SNF8: variants seen among roughly 807,000 people sequenced by gnomAD.
SNF8 encodes SNF8 subunit of ESCRT-II.
In SNF8, 19 loss-of-function variants were observed where a neutral mutation model predicts 36.8. That is an observed-to-expected ratio of 0.52 (90% CI 0.36 to 0.76). SNF8 has a LOEUF of 0.76. Among genes scored for constraint, SNF8 ranks in the 30% least tolerant of loss-of-function variants. SNF8 has a pLI of 0.00. For missense variants in SNF8, 268 were observed against 322.9 expected (o/e 0.83, Z 1.30); for synonymous variants, 127 against 127.4 (o/e 1.00, Z 0.02).
At position 48,936,198 on chromosome 17, in the gene SNF8, T is replaced by G. The variant is rs2040931908; in HGVS notation, c.394A>C (p.Arg132=). 1 of 1,613,894 alleles carries G rather than the reference T, an allele frequency of 6.2e-7. No individual in the cohort carries two copies. The highest frequency in any genetic ancestry group is 8.5e-7 in the Non-Finnish European group (1 of 1,179,888). The change falls in exon 5 of 8, where the codon AGG becomes CGG. Residue 132 remains arginine, a synonymous_variant. Coordinates refer to ENST00000502492, the MANE Select transcript of SNF8 (RefSeq NM_007241.4). ...EELHQQVLKG[R]GKFAQDVSQD... ...CTGACATCCTGGGCGAACTTGCCCCTTCCCTTCAACACCTGTTGATGTAGT... is the reference window on the plus strand; with the variant it reads ...CTGACATCCTGGGCGAACTTGCCCCGTCCCTTCAACACCTGTTGATGTAGT...
At position 48,931,648 on chromosome 17, in the gene SNF8, C is replaced by T; in HGVS notation, c.634G>A (p.Val212Met). The change falls in exon 7 of 8, where the codon GTG becomes ATG. Residue 212 changes from valine to methionine, a missense_variant. Coordinates refer to ENST00000502492, the MANE Select transcript of SNF8 (RefSeq NM_007241.4). ...LKWETERARQVLEHLLKEGLA... is the reference protein window; with the variant it reads ...LKWETERARQMLEHLLKEGLA... ...ACTGTTCCAAAGTTGCATACCAGCA[C>T]TTGCCGCGCTCGCTCGGTCTCCCAT... 3 of 1,613,296 alleles carry T rather than the reference C, an allele frequency of 1.9e-6. No homozygotes were observed. Among genetic ancestry groups the T allele is most frequent in the Non-Finnish European group, 2.5e-6 (3 of 1,179,580 alleles).
chr17:48,944,574 G>T, intron 1 of SNF8, 107 bp downstream of exon 1: 4 of 1,263,950 alleles, frequency 3.2e-6, no homozygotes, highest in Non-Finnish European at 4.6e-6. Context: ...CGAGAAGCCA[G>T]TCTCAGATTC....
At chr17:48,943,312 A>C (rs987470301) in intron 2 of SNF8, among the ~76,000 whole-genome samples, 14 of 152,268 alleles carry the variant, frequency 9.2e-5, no homozygotes, top group Admixed American at 1.3e-4. Context: ...TCTACAAAAA[A>C]AAATAACAAA....
chr17:48,937,666 G>A (rs1291905470), intron 3 of SNF8, among the ~76,000 whole-genome samples: 3 of 151,030 alleles, frequency 2.0e-5, no homozygotes, highest in Non-Finnish European at 2.9e-5. Context: ...AGTGGGTCAC[G>A]CCTGTAATTC....
chr17:48,943,734 T>G (rs1271833656), intron 2 of SNF8, among the ~76,000 whole-genome samples, 191 bp downstream of exon 2: 1 of 152,202 alleles, frequency 6.6e-6, no homozygotes, highest in Non-Finnish European at 1.5e-5. Context: ...GTTACAAGCA[T>G]GTAATCACTC....
chr17:48,935,428 G>A (rs1256737781), intron 5 of SNF8, among the ~76,000 whole-genome samples: 1 of 151,700 alleles, frequency 6.6e-6, no homozygotes, highest in African/African-American at 2.4e-5. Flanking sequence ...CAGGAGAATG[G>A]CGTGAACCCA....
chr17:48,938,293 T>TC (rs1483557849), intron 3 of SNF8, among the ~76,000 whole-genome samples: 5 of 148,188 alleles, frequency 3.4e-5, no homozygotes, highest in Non-Finnish European at 7.5e-5. Flanking sequence ...GGTCAGGAGT[T>TC]CGAGAACAGC....
chr17:48,938,694 CCT>C (rs1468817330), intron 3 of SNF8, among the ~76,000 whole-genome samples: 1 of 150,034 alleles, frequency 6.7e-6, no homozygotes, highest in Non-Finnish European at 1.5e-5. Flanking sequence ...ATGCTGAAAC[CCT>C]GTCTCTACTA....
At chr17:48,938,496 C>A (rs1390878960) in intron 3 of SNF8, among the ~76,000 whole-genome samples, 271 of 113,812 alleles carry the variant, frequency 2.4e-3, no homozygotes, top group African/African-American at 6.4e-3. Context: ...AACTCCATCT[C>A]AAAAAAAAAA....
In SNF8 at chr17:48,931,908, G is replaced by A. The variant is rs186797425; in HGVS notation, c.565-191C>T. On this transcript the variant is annotated intron_variant, in intron 6 of 7. Transcript: ENST00000502492. ...CTTTCAGCATGACAGAGGTAGGTTG[G>A]TGGGTTCAATCCTAAAACTGGGGTA... 1.8e-4 allele frequency: 88 copies of A among 499,988 alleles called. No individual in the cohort carries two copies. In the Admixed American group the frequency reaches 2.9e-3, roughly 16 times the overall value. The allele number at this position is 499,988 out of a possible 1,614,324, so 31.0% of individuals were successfully genotyped here.
At chr17:48,940,093 A>T (rs1195316499) in intron 3 of SNF8, among the ~76,000 whole-genome samples, 2 of 143,510 alleles carry the variant, frequency 1.4e-5, no homozygotes, top group African/African-American at 5.4e-5. Context: ...AAAAAAAAAA[A>T]TTTTTTTTTT....
chr17:48,936,855 C>T (rs1328352531), intron 4 of SNF8, 165 bp downstream of exon 4: 1 of 664,714 alleles, frequency 1.5e-6, no homozygotes. Flanking sequence ...TTCTATTTAC[C>T]CTTGGCCATG....
intron 4 of SNF8, 97 bp from the exon 5 acceptor site, chr17:48,936,339 AACATTC>A: frequency 1.1e-6 from 1 of 878,378 alleles, no homozygotes; most frequent in Non-Finnish European, 1.8e-6. Context: ...AGTAGCAAAT[AACATTC>A]TAGTTCCTAA....
chr17:48,938,183 TGAC>T (rs1479488088), intron 3 of SNF8, among the ~76,000 whole-genome samples: 1 of 152,226 alleles, frequency 6.6e-6, no homozygotes, highest in East Asian at 1.9e-4. Context: ...AACAATCCAC[TGAC>T]GACAATATTC....
rs58571460 is a variant in SNF8, at chr17:48,937,498, C to T, written c.245-374G>A. Among the ~76,000 whole-genome samples, 654 of 152,162 alleles carry T rather than the reference C, an allele frequency of 4.3e-3. 2 individuals are homozygous for T. The highest frequency in any genetic ancestry group is 0.014 in the African/African-American group (579 of 41,518). On this transcript the variant is annotated intron_variant, in intron 3 of 7. Coordinates refer to ENST00000502492, the MANE Select transcript of SNF8 (RefSeq NM_007241.4). ...ATAATAAATTAGCCAGGAGTGGTGG[C>T]GTGCGCCTGTAATCCCAGCTACTTG...
chr17:48,944,805 G>C lies in SNF8; in HGVS notation c.-71C>G. The C allele has an allele frequency of 6.9e-7, 1 of 1,455,182 alleles. No homozygotes were observed. Among genetic ancestry groups the C allele is most frequent in the Non-Finnish European group, 9.0e-7 (1 of 1,115,668 alleles). 90.1% of individuals were successfully genotyped at this position (1,455,182 alleles called of 1,614,324 possible). On this transcript the variant is annotated 5_prime_UTR_variant, in exon 1 of 8. Transcript: ENST00000502492. ...CTCCACGTCCCGGACTCCGCCGCCGGCTCCCCAAGGCGGAAGCCCGAGCCG... is the reference window on the plus strand; with the variant it reads ...CTCCACGTCCCGGACTCCGCCGCCGCCTCCCCAAGGCGGAAGCCCGAGCCG...
intron 4 of SNF8, 46 bp downstream of exon 4, chr17:48,936,974 C>CTCAGAGAAGTCCAGAGTT: frequency 7.3e-7 from 1 of 1,363,940 alleles, no homozygotes; most frequent in Non-Finnish European, 1.1e-6. Flanking sequence ...TTTTCTCCCT[C>CTCAGAGAAGTCCAGAGTT]TCAGAGAAGT....
chr17:48,944,003 T>A (rs371217850), intron 1 of SNF8, 28 bp from the exon 2 acceptor site: 1 of 1,612,058 alleles, frequency 6.2e-7, no homozygotes, highest in Non-Finnish European at 8.5e-7. Context: ...CAGCATAAGT[T>A]AAGAGAGTGG....
intron 3 of SNF8, among the ~76,000 whole-genome samples, chr17:48,938,886 AAGC>A (rs1416245836): frequency 6.6e-6 from 1 of 151,386 alleles, no homozygotes; most frequent in East Asian, 1.9e-4. Context: ...AAAAAAAAAA[AAGC>A]AGTAAATTAT....
Sources: allele counts gnomAD v4.1 joint callset (sites outside exome capture counted in the v4.1 genomes callset), GRCh38; gene constraint gnomAD v4.1.1; transcripts MANE v1.5; gene names NCBI Gene and HGNC (gene_info 2026-07-23, HGNC 2026-07-21).